The following ZNF707 variants were observed in gnomAD, a reference collection of about 807,000 sequenced individuals.
The protein encoded by ZNF707 is zinc finger protein 707.
A neutral mutation model predicts 13.3 loss-of-function variants in ZNF707; 8 were observed. The observed-to-expected ratio is 0.60, with a 90% CI of 0.35 to 1.09. ZNF707 has a LOEUF of 1.09. Ranked by LOEUF, ZNF707 falls within the 50% of genes least tolerant of loss-of-function variation. The probability of loss-of-function intolerance (pLI) is 0.02; values close to 1 mark genes in which losing one functional copy is unlikely to be tolerated. For synonymous variants in ZNF707, 225 were observed against 205.6 expected (o/e 1.09, Z -0.81); for missense variants, 530 against 512.6 (o/e 1.03, Z -0.33).
In ZNF707 at chr8:143,693,640, C is replaced by T; in HGVS notation, c.257-31C>T. The T allele has an allele frequency of 6.6e-7, 1 of 1,507,696 alleles. No homozygotes were observed. The highest frequency in any genetic ancestry group is 8.9e-7 in the Non-Finnish European group (1 of 1,129,674). 93.4% of individuals were successfully genotyped at this position (1,507,696 alleles called of 1,614,324 possible). A position where few individuals can be genotyped will look rare whatever the true frequency, so the allele number is the denominator to read the frequency against. On this transcript the variant is annotated intron_variant, in intron 5 of 5. Coordinates refer to ENST00000358656, the MANE Select transcript of ZNF707 (RefSeq NM_001100598.2). This position sits in a 1 kb window ranked among gnomAD's most constrained non-coding sequence, Gnocchi z 4.1. ...GCACTGCCTGGCTGTGGGCCACTGG[C>T]TCTGTGTAAGGGTGTCTGTTCCTTC...
rs963399905 is a variant in ZNF707 at position 143,694,372 on chromosome 8, G to A, written c.958G>A (p.Glu320Lys). The change falls in exon 6 of 6, where the codon GAG becomes AAG. Residue 320 changes from glutamate to lysine, a missense_variant. By Grantham distance (56) the Glu-to-Lys change is moderately conservative. Coordinates refer to ENST00000358656, the MANE Select transcript of ZNF707 (RefSeq NM_001100598.2). This position sits in a 1 kb window ranked among gnomAD's most constrained non-coding sequence, Gnocchi z 4.4. The part of the protein sequence containing the change: ...HSGEKPYTCA[E>K]CGKSFRWPKG... ...CGGGGAGAAGCCCTACACCTGTGCC[G>A]AGTGCGGCAAGTCCTTCCGGTGGCC... 2.3e-5 allele frequency: 37 copies of A among 1,612,002 alleles called. No individual in the cohort carries two copies. The highest frequency in any genetic ancestry group is 2.9e-5 in the Non-Finnish European group (34 of 1,179,446).
intron 3 of ZNF707, 87 bp downstream of exon 3, chr8:143,690,210 C>A: frequency 2.0e-6 from 3 of 1,533,002 alleles, no homozygotes; most frequent in Non-Finnish European, 1.8e-6. Context: ...GGGTCTGTGG[C>A]AGTGGCTTCC....
chr8:143,691,221 C>T (rs376106098), intron 4 of ZNF707, 22 bp downstream of exon 4: 17 of 1,598,204 alleles, frequency 1.1e-5, no homozygotes, highest in East Asian at 2.2e-5. Context: ...CTGAGCGCAG[C>T]GTGAGCACAG....
chr8:143,690,941 G>A, intron 3 of ZNF707, 132 bp from the exon 4 acceptor site: 2 of 1,217,588 alleles, frequency 1.6e-6, no homozygotes, highest in Non-Finnish European at 2.2e-6. Context: ...CTGGGCTTCA[G>A]TGAATGGATT....
intron 5 of ZNF707, 27 bp downstream of exon 5, chr8:143,691,740 C>G (rs782516005): frequency 1.3e-6 from 2 of 1,538,572 alleles, no homozygotes. Context: ...CTGGGCTCGG[C>G]GGGCCCCGTC....
chr8:143,690,927 G>T, intron 3 of ZNF707, 146 bp from the exon 4 acceptor site: 1 of 1,074,546 alleles, frequency 9.3e-7, no homozygotes, highest in Non-Finnish European at 1.3e-6. Flanking sequence ...AGCCACTCGG[G>T]GCTCTGGGCT....
chr8:143,691,561 A>C lies in ZNF707; in HGVS notation c.143-39A>C, dbSNP rs782361059. ...GAGCCTCGACCCTCACTTTGTCCTC[A>C]GTACAAGTAAAACAGAAACTTTTCT... On this transcript the variant is annotated intron_variant, in intron 4 of 5. Transcript: ENST00000358656. The C allele has an allele frequency of 5.2e-6, 8 of 1,553,112 alleles. No individual in the cohort carries two copies. The Middle Eastern group carries it at 6.7e-4, about 130-fold the overall frequency.
At chr8:143,691,521 A>T (rs2131529032) in intron 4 of ZNF707, 79 bp from the exon 5 acceptor site, 1 of 1,452,444 alleles carries the variant, frequency 6.9e-7, no homozygotes, top group East Asian at 2.5e-5. Context: ...TCTTAGGCTG[A>T]TGCACAACTG....
At position 143,693,304 on chromosome 8, in the gene ZNF707, G is replaced by A. The variant is rs1445084482; in HGVS notation, c.257-367G>A. ...TGGGCTTTTTTTTTTTTTTTGAGAC[G>A]GAGTCTCGCTCTGTCGCCCAGGCTG... is the stretch of plus-strand genomic sequence containing the variant. On this transcript the variant is annotated intron_variant, in intron 5 of 5. Coordinates refer to ENST00000358656, the MANE Select transcript of ZNF707 (RefSeq NM_001100598.2). The surrounding 1 kb of genome is among the most constrained non-coding windows in gnomAD (Gnocchi z 4.1). 1.3e-5 allele frequency among the ~76,000 whole-genome samples: 2 copies of A among 149,034 alleles called. No homozygotes were observed. The highest frequency in any genetic ancestry group is 2.1e-4 in the South Asian group (1 of 4,736).
rs1005427574 is a variant in ZNF707, at chr8:143,693,612, G to A, written c.257-59G>A. On this transcript the variant is annotated intron_variant, in intron 5 of 5. Transcript: ENST00000358656. The surrounding 1 kb of genome is among the most constrained non-coding windows in gnomAD (Gnocchi z 4.1). The stretch of plus-strand genomic sequence containing the variant: ...GCCCGGCCTCCTCTGGGCTTTGCTG[G>A]AGGCACTGCCTGGCTGTGGGCCACT... 1 of 1,478,888 alleles carries A rather than the reference G, an allele frequency of 6.8e-7. No homozygotes were observed. Among genetic ancestry groups the A allele is most frequent in the South Asian group, 1.4e-5 (1 of 70,080 alleles). 91.6% of individuals were successfully genotyped at this position (1,478,888 alleles called of 1,614,324 possible).
intron 1 of ZNF707, chr8:143,688,909 T>C (rs1554612840): frequency 6.6e-6 from 1 of 152,372 alleles, no homozygotes; most frequent in Non-Finnish European, 1.5e-5. Flanking sequence ...TGAGCCACTG[T>C]GCTTGGCCCC....
intron 2 of ZNF707, among the ~76,000 whole-genome samples, chr8:143,689,603 G>T (rs967079499): frequency 6.6e-6 from 1 of 152,312 alleles, no homozygotes; most frequent in Admixed American, 6.5e-5. Flanking sequence ...AAGGCTGCGA[G>T]GTGGCCTCCT....
chr8:143,691,558 C>T (rs1554613616), intron 4 of ZNF707, 42 bp from the exon 5 acceptor site: 14 of 1,548,858 alleles, frequency 9.0e-6, no homozygotes, highest in Non-Finnish European at 7.0e-6. Context: ...TCACTTTGTC[C>T]TCAGTACAAG....
Position 143,690,056 on chromosome 8 carries a change from G to A in ZNF707, c.-52-1G>A. The A allele has an allele frequency of 6.2e-7, 1 of 1,608,486 alleles. No individual in the cohort carries two copies. The highest frequency in any genetic ancestry group is 2.2e-5 in the East Asian group (1 of 44,866). On this transcript the variant is annotated splice_acceptor_variant, in intron 2 of 5. Coordinates refer to ENST00000358656, the MANE Select transcript of ZNF707 (RefSeq NM_001100598.2). LOFTEE classifies it low-confidence loss of function (5UTR_SPLICE). Reference sequence around the variant, plus strand: ...CCCGCTTACATTTCTTGTCTCCCCAGATCTGCCCTCCTTGGCACTGTGCTT... The same window carrying A: ...CCCGCTTACATTTCTTGTCTCCCCAAATCTGCCCTCCTTGGCACTGTGCTT...
rs1283543567 is a variant in ZNF707, at chr8:143,693,303, C to T, written c.257-368C>T. ...CTGGGCTTTTTTTTTTTTTTTGAGA[C>T]GGAGTCTCGCTCTGTCGCCCAGGCT... On this transcript the variant is annotated intron_variant, in intron 5 of 5. Transcript: ENST00000358656. This position sits in a 1 kb window ranked among gnomAD's most constrained non-coding sequence, Gnocchi z 4.1. Among the ~76,000 whole-genome samples the T allele has an allele frequency of 7.0e-4, 104 of 147,632 alleles. No individual in the cohort carries two copies. Among genetic ancestry groups the T allele is most frequent in the African/African-American group, 2.4e-3 (95 of 39,836 alleles).
chr8:143,692,170 T>C, intron 5 of ZNF707: 1 of 1,295,788 alleles, frequency 7.7e-7, no homozygotes, highest in Non-Finnish European at 1.0e-6. Flanking sequence ...ACAGTGGCCA[T>C]GCTTCCCTCC....
rs567964166 is a variant in ZNF707, at chr8:143,685,430, G to C, written c.-151+888G>C. Among the ~76,000 whole-genome samples the C allele has an allele frequency of 2.6e-5, 4 of 151,816 alleles. No individual in the cohort carries two copies. The South Asian group carries it at 8.3e-4, about 32-fold the overall frequency. Reference sequence around the variant, plus strand: ...TCCCAGTTACTCTGGGGAGGCTGAGGCAAGAGAATCGTTTGAACCCAAGAG... The same window carrying C: ...TCCCAGTTACTCTGGGGAGGCTGAGCCAAGAGAATCGTTTGAACCCAAGAG... On this transcript the variant is annotated intron_variant, in intron 1 of 5. Transcript: ENST00000358656.
rs181875791 is a variant in ZNF707 at position 143,685,736 on chromosome 8, G to T, written c.-151+1194G>T. Among the ~76,000 whole-genome samples the T allele has an allele frequency of 2.5e-3, 382 of 152,190 alleles. 3 individuals carry two copies. The highest frequency in any genetic ancestry group is 0.014 in the Middle Eastern group (4 of 294). The stretch of plus-strand genomic sequence containing the variant: ...CATGCGCTTTTGGTCCCAGCTACTG[G>T]GGAGACTGAGGTGGGAGGATCACTT... On this transcript the variant is annotated intron_variant, in intron 1 of 5. Transcript: ENST00000358656.
Position 143,694,195 on chromosome 8 carries a change from T to C in ZNF707, c.781T>C (p.Ser261Pro). The change falls in exon 6 of 6, where the codon TCG (serine) becomes CCG (proline). Residue 261 changes from serine to proline, a missense_variant. Ser to Pro is a moderately conservative substitution (Grantham distance 74). Transcript: ENST00000358656. This position sits in a 1 kb window ranked among gnomAD's most constrained non-coding sequence, Gnocchi z 4.4. ...RKVHTEHRPY[S>P]CGDCGKAFKQ... ...GGTCCACACCGAGCACAGGCCCTAC[T>C]CGTGTGGCGACTGTGGGAAAGCCTT... is the stretch of plus-strand genomic sequence containing the variant. The C allele has an allele frequency of 6.3e-7, 1 of 1,575,304 alleles. No homozygotes were observed. Among genetic ancestry groups the C allele is most frequent in the South Asian group, 1.2e-5 (1 of 85,226 alleles).
Sources: allele counts gnomAD v4.1 joint callset (sites outside exome capture counted in the v4.1 genomes callset), GRCh38; gene constraint gnomAD v4.1.1; non-coding constraint Gnocchi (gnomAD v3.1); transcripts MANE v1.5; gene names NCBI Gene and HGNC (gene_info 2026-07-23, HGNC 2026-07-21).